The following ADAMTSL3 variants were observed in gnomAD, a reference collection of about 807,000 sequenced individuals.
ADAMTSL3 encodes ADAMTS-like protein 3.
In ADAMTSL3, 128 loss-of-function variants were observed where a neutral mutation model predicts 201.7. That is an observed-to-expected ratio of 0.63 (90% confidence interval 0.55 to 0.73). The LOEUF is 0.73. Ranked by LOEUF, ADAMTSL3 falls within the 30% of genes least tolerant of loss-of-function variation. The pLI, the probability that ADAMTSL3 is intolerant of heterozygous loss-of-function variation, is 0.00. For synonymous variants in ADAMTSL3, 738 were observed against 748.4 expected (o/e 0.99, Z 0.23); for missense variants, 1,990 against 2,119.6 (o/e 0.94, Z 1.20).
At chr15:83,895,865 A>G (rs999084557) in intron 13 of ADAMTSL3, among the ~76,000 whole-genome samples, 1 of 152,164 alleles carries the variant, frequency 6.6e-6, no homozygotes, top group African/African-American at 2.4e-5. Context: ...TGAACTCATT[A>G]AAGTATTTGT....
chr15:83,967,030 C>T (rs927038601), intron 19 of ADAMTSL3, among the ~76,000 whole-genome samples: 4 of 151,948 alleles, frequency 2.6e-5, no homozygotes, highest in African/African-American at 9.7e-5. Context: ...TGAAATGTAT[C>T]TCAAAATAAT....
chr15:83,811,028 C>T (rs751696488), intron 5 of ADAMTSL3, among the ~76,000 whole-genome samples: 4 of 152,144 alleles, frequency 2.6e-5, no homozygotes, highest in Non-Finnish European at 5.9e-5. Flanking sequence ...CATGAGCCAC[C>T]GCACCCAGAC....
chr15:83,903,969 A>AAGGAGGG lies in ADAMTSL3; in HGVS notation c.1700+4239_1700+4240insGGAGGGA, dbSNP rs1567226227. ...AGAAAAAAGAAAGAAAGAAAGAAAG[A>AAGGAGGG]AAAGGAGCTACAGTGAGGTTCAGGC... On this transcript the variant is annotated intron_variant, in intron 15 of 29. Transcript: ENST00000286744. 4.5e-4 allele frequency among the ~76,000 whole-genome samples: 40 copies of AAGGAGGG among 89,668 alleles called. 4 individuals carry two copies. Among genetic ancestry groups the AAGGAGGG allele is most frequent in the Admixed American group, 1.5e-3 (12 of 7,894 alleles). The allele number at this position is 89,668 out of a possible 152,430, so 58.8% of individuals were successfully genotyped here.
At chr15:83,906,934 A>T (rs918576645) in intron 15 of ADAMTSL3, among the ~76,000 whole-genome samples, 2 of 151,630 alleles carry the variant, frequency 1.3e-5, no homozygotes, top group African/African-American at 4.8e-5. Context: ...TGTAGGTTTT[A>T]AAATTACCAG....
chr15:83,830,038 G>A (rs912075568), intron 6 of ADAMTSL3, among the ~76,000 whole-genome samples: 5 of 152,020 alleles, frequency 3.3e-5, no homozygotes, highest in African/African-American at 7.2e-5. Context: ...GATCTTTTAC[G>A]GCTGAATGTT....
intron 7 of ADAMTSL3, among the ~76,000 whole-genome samples, chr15:83,843,969 G>A (rs1442421533): frequency 6.6e-6 from 1 of 152,238 alleles, no homozygotes; most frequent in Non-Finnish European, 1.5e-5. Context: ...GGCCACTCAG[G>A]TATTAAAGAG....
chr15:83,923,011 A>C (rs1364827312), intron 16 of ADAMTSL3, among the ~76,000 whole-genome samples: 2 of 152,300 alleles, frequency 1.3e-5, no homozygotes, highest in Non-Finnish European at 2.9e-5. Flanking sequence ...CGGACAAAGA[A>C]TACTGGTTGA....
At chr15:83,829,668 C>G (rs1227023281) in intron 6 of ADAMTSL3, among the ~76,000 whole-genome samples, 2 of 152,180 alleles carry the variant, frequency 1.3e-5, no homozygotes, top group African/African-American at 2.4e-5. Context: ...GCATTTAGTG[C>G]TATAAATTTC....
At chr15:84,015,837 TCA>T (rs2068079497) in intron 24 of ADAMTSL3, among the ~76,000 whole-genome samples, 1 of 152,236 alleles carries the variant, frequency 6.6e-6, no homozygotes, top group Non-Finnish European at 1.5e-5. Context: ...CATGCTTGTC[TCA>T]CTCCTACCTG....
At chr15:83,954,846 T>A (rs2066827042) in intron 19 of ADAMTSL3, among the ~76,000 whole-genome samples, 1 of 152,232 alleles carries the variant, frequency 6.6e-6, no homozygotes, top group African/African-American at 2.4e-5. Flanking sequence ...TGCCTCTGTC[T>A]CTGTCTCTCT....
chr15:83,898,351 T>C (rs1442934189), intron 14 of ADAMTSL3, among the ~76,000 whole-genome samples: 1 of 151,812 alleles, frequency 6.6e-6, no homozygotes, highest in South Asian at 2.1e-4. Flanking sequence ...GAAGGAAAAG[T>C]AGAAGGAAGA....
Position 83,819,747 on chromosome 15 carries a change from T to C in ADAMTSL3, c.364-64T>C, listed in dbSNP as rs2063828622. On this transcript the variant is annotated intron_variant, in intron 5 of 29. Coordinates refer to ENST00000286744, the MANE Select transcript of ADAMTSL3 (RefSeq NM_207517.3). ...GTCTCATGAGATTCTGGTGAACTTA[T>C]TTCATCTTCTCTTGGCCTCTCTCAC... is the stretch of plus-strand genomic sequence containing the variant. The C allele has an allele frequency of 7.5e-6, 10 of 1,334,826 alleles. 1 individual carries two copies. Among genetic ancestry groups the C allele is most frequent in the South Asian group, 3.6e-5 (3 of 83,966 alleles). 82.7% of individuals were successfully genotyped at this position (1,334,826 alleles called of 1,614,324 possible).
chr15:83,923,830 T>G, intron 16 of ADAMTSL3, 74 bp from the exon 17 acceptor site: 1 of 1,557,940 alleles, frequency 6.4e-7, no homozygotes, highest in Non-Finnish European at 8.8e-7. Flanking sequence ...TGAGAAGACC[T>G]AAGACTCTAT....
At chr15:83,851,266 G>A (rs1449625150) in intron 7 of ADAMTSL3, among the ~76,000 whole-genome samples, 3 of 152,110 alleles carry the variant, frequency 2.0e-5, no homozygotes, top group East Asian at 3.9e-4. Flanking sequence ...TCTTAGCTTT[G>A]CCTGGGTGCT....
chr15:83,670,865 G>A (rs766019495), intron 2 of ADAMTSL3, among the ~76,000 whole-genome samples: 1 of 152,178 alleles, frequency 6.6e-6, no homozygotes, highest in African/African-American at 2.4e-5. Flanking sequence ...ATTGCCAATG[G>A]TGTGCAGATA....
chr15:83,670,918 A>C (rs2061322133), intron 2 of ADAMTSL3, among the ~76,000 whole-genome samples: 1 of 152,210 alleles, frequency 6.6e-6, no homozygotes, highest in African/African-American at 2.4e-5. Context: ...CGTTCTTCAG[A>C]GCTATCTAGA....
At chr15:83,740,693 T>A (rs1211134936) in intron 3 of ADAMTSL3, among the ~76,000 whole-genome samples, 1 of 152,168 alleles carries the variant, frequency 6.6e-6, no homozygotes, top group Non-Finnish European at 1.5e-5. Flanking sequence ...AAAAAGCTCT[T>A]CCTTTGAGAA....
intron 2 of ADAMTSL3, among the ~76,000 whole-genome samples, chr15:83,702,008 A>T (rs1458057936): frequency 6.6e-6 from 1 of 152,190 alleles, no homozygotes; most frequent in Non-Finnish European, 1.5e-5. Context: ...AATGCTGATA[A>T]TGATATGAAT....
chr15:83,859,310 A>G (rs1388025250), intron 8 of ADAMTSL3, among the ~76,000 whole-genome samples: 1 of 152,214 alleles, frequency 6.6e-6, no homozygotes. Context: ...AAAGACTTGG[A>G]GTCAGCAGAA....
Sources: allele counts gnomAD v4.1 joint callset (sites outside exome capture counted in the v4.1 genomes callset), GRCh38; gene constraint gnomAD v4.1.1; transcripts MANE v1.5; gene names NCBI Gene and HGNC (gene_info 2026-07-23, HGNC 2026-07-21).